CMKLR1: variants seen among roughly 807,000 people sequenced by gnomAD.
CMKLR1 encodes chemerin chemokine-like receptor 1, also known as chemerin-like receptor 1.
In CMKLR1, 6 loss-of-function variants were observed where a neutral mutation model predicts 8.2. The observed-to-expected ratio is 0.73, with a 90% CI of 0.40 to 1.44. CMKLR1 has a LOEUF of 1.44. Ranked by LOEUF, CMKLR1 falls within the 40% of genes most tolerant of loss-of-function variation. The pLI, the probability that CMKLR1 is intolerant of heterozygous loss-of-function variation, is 0.02. For missense variants in CMKLR1, 429 were observed against 478.0 expected (o/e 0.90, Z 0.96); for synonymous variants, 178 against 181.2 (o/e 0.98, Z 0.14).
chr12:108,292,783 C>T lies in CMKLR1; in HGVS notation c.180G>A (p.Leu60=). ...VCFLGILGNG[L]VIIIATFKMK... ...TCTTGAAGGTGGCAATGATGATCAC[C>T]AGACCATTGCCCAGAATCCCGAGGA... Residue 60 remains leucine (L), a synonymous_variant, in exon 4 of 4, where the codon CTG becomes CTA. Transcript: ENST00000550402. 6.2e-7 allele frequency: 1 copy of T among 1,614,146 alleles called. No homozygotes were observed. The highest frequency in any genetic ancestry group is 8.5e-7 in the Non-Finnish European group (1 of 1,180,026).
At chr12:108,294,823 A>G (rs1891088743) in intron 2 of CMKLR1, among the ~76,000 whole-genome samples, 1 of 152,352 alleles carries the variant, frequency 6.6e-6, no homozygotes, top group Non-Finnish European at 1.5e-5. Context: ...GCTGCTAATC[A>G]ATGCTTTATT....
intron 2 of CMKLR1, among the ~76,000 whole-genome samples, chr12:108,301,227 C>T (rs1352224285): frequency 3.9e-5 from 6 of 152,000 alleles, no homozygotes; most frequent in Non-Finnish European, 8.8e-5. Flanking sequence ...AGGCACATCC[C>T]ACCACGCCCA....
intron 2 of CMKLR1, among the ~76,000 whole-genome samples, chr12:108,322,945 C>T (rs1318472672): frequency 3.3e-5 from 5 of 152,210 alleles, no homozygotes; most frequent in African/African-American, 1.2e-4. Context: ...TCTCCCCCTG[C>T]AATCCAGCCT....
chr12:108,292,944 C>G lies in CMKLR1; in HGVS notation c.19G>C (p.Asp7His). The G allele has an allele frequency of 6.2e-7, 1 of 1,608,836 alleles. No individual in the cohort carries two copies. Among genetic ancestry groups the G allele is most frequent in the Non-Finnish European group, 8.5e-7 (1 of 1,176,436 alleles). ...CCGTAACTGATGGAAGTGTTGTAAT[C>G]TTCATCCTCCATTCTCTGCAAGAGA... The part of the protein sequence containing the change: MRMEDE[D>H]YNTSISYGDE... The change falls in exon 4 of 4, where the codon GAT becomes CAT. Residue 7 changes from aspartate (D) to histidine (H), a missense_variant. Coordinates refer to ENST00000550402, the MANE Select transcript of CMKLR1 (RefSeq NM_001142343.2).
intron 2 of CMKLR1, 61 bp downstream of exon 2, chr12:108,329,934 T>G (rs192873825): frequency 1.3e-5 from 2 of 152,310 alleles, no homozygotes; most frequent in East Asian, 3.9e-4. Context: ...TGTTTTAAGA[T>G]GAAGATGGTA....
chr12:108,321,618 G>A (rs1366716961), intron 2 of CMKLR1, among the ~76,000 whole-genome samples: 2 of 152,062 alleles, frequency 1.3e-5, no homozygotes, highest in African/African-American at 4.8e-5. Context: ...CCTGTCTCAG[G>A]CTCTGCTTCA....
chr12:108,334,516 C>G (rs1892177101), intron 1 of CMKLR1, among the ~76,000 whole-genome samples: 1 of 152,238 alleles, frequency 6.6e-6, no homozygotes, highest in African/African-American at 2.4e-5. Context: ...CCTAGGACAA[C>G]CACCCAGCTG....
intron 2 of CMKLR1, among the ~76,000 whole-genome samples, chr12:108,307,237 G>A (rs979469172): frequency 2.0e-5 from 3 of 152,234 alleles, no homozygotes; most frequent in Non-Finnish European, 4.4e-5. Context: ...TGGTCAAGAA[G>A]GCAGCTGGGG....
intron 2 of CMKLR1, among the ~76,000 whole-genome samples, chr12:108,318,795 GC>G (rs1231385180): frequency 6.6e-6 from 1 of 152,164 alleles, no homozygotes. Flanking sequence ...GCCTTTGGTG[GC>G]CCCAAGCAGC....
At chr12:108,308,310 A>C (rs1046458754) in intron 2 of CMKLR1, among the ~76,000 whole-genome samples, 1 of 152,194 alleles carries the variant, frequency 6.6e-6, no homozygotes, top group Non-Finnish European at 1.5e-5. Flanking sequence ...GATTTCTTTC[A>C]CAGGGTGAAA....
intron 2 of CMKLR1, among the ~76,000 whole-genome samples, chr12:108,310,969 G>C (rs1593168266): frequency 6.8e-6 from 1 of 146,788 alleles, no homozygotes; most frequent in Non-Finnish European, 1.5e-5. Flanking sequence ...CCCCCGCCCA[G>C]GAGATGAGCA....
At chr12:108,309,458 C>T (rs1891494565) in intron 2 of CMKLR1, among the ~76,000 whole-genome samples, 1 of 151,990 alleles carries the variant, frequency 6.6e-6, no homozygotes, top group Non-Finnish European at 1.5e-5. Flanking sequence ...TCGCTTGAGC[C>T]CAGCAGCTTA....
intron 2 of CMKLR1, among the ~76,000 whole-genome samples, chr12:108,300,902 C>T (rs1468565148): frequency 1.3e-5 from 2 of 152,132 alleles, no homozygotes; most frequent in Non-Finnish European, 2.9e-5. Context: ...CATGATCACC[C>T]TACAGGGTCG....
Position 108,292,260 on chromosome 12 carries a change from TGAG to T in CMKLR1, c.700_702del (p.Leu234del), listed in dbSNP as rs1891000347. 2 of 1,614,094 alleles carry T rather than the reference TGAG, an allele frequency of 1.2e-6. No individual in the cohort carries two copies. Among genetic ancestry groups the T allele is most frequent in the Non-Finnish European group, 1.7e-6 (2 of 1,180,016 alleles). On this transcript the variant is annotated inframe_deletion, in exon 4 of 4. Coordinates refer to ENST00000550402, the MANE Select transcript of CMKLR1 (RefSeq NM_001142343.2). ...ATGGTGAGGTAGCAAGCTGTGATGATGAGGACTGGGACCAGGAAGCCACAGAGG... is the reference window on the plus strand; with the variant it reads ...ATGGTGAGGTAGCAAGCTGTGATGATGACTGGGACCAGGAAGCCACAGAGG...
At chr12:108,335,487 T>C (rs1313501989) in intron 1 of CMKLR1, among the ~76,000 whole-genome samples, 3 of 152,226 alleles carry the variant, frequency 2.0e-5, no homozygotes, top group African/African-American at 7.2e-5. Context: ...CATTCAGAAA[T>C]ACTTGCCTTA....
At chr12:108,328,652 C>A (rs551734495) in intron 2 of CMKLR1, among the ~76,000 whole-genome samples, 151 of 152,294 alleles carry the variant, frequency 9.9e-4, no homozygotes, top group African/African-American at 3.3e-3. Context: ...GCTGAAGAGG[C>A]CCCCTGTGAG....
At position 108,292,653 on chromosome 12, in the gene CMKLR1, G is replaced by A. The variant is rs1446270903; in HGVS notation, c.310C>T (p.His104Tyr). ...IHITYAAMDYHWVFGTAMCKI... is the reference protein window; with the variant it reads ...IHITYAAMDYYWVFGTAMCKI... ...CACATGGCTGTCCCGAAAACCCAGT[G>A]GTAGTCCATGGCGGCATAGGTGATA... The change falls in exon 4 of 4, where the codon CAC becomes TAC. Residue 104 changes from histidine to tyrosine, a missense_variant. His to Tyr is a moderately conservative substitution (Grantham distance 83, BLOSUM62 2). Transcript: ENST00000550402. The A allele has an allele frequency of 4.3e-6, 7 of 1,614,032 alleles. No individual in the cohort carries two copies. The African/African-American group carries it at 9.3e-5, about 22-fold the overall frequency.
chr12:108,334,810 G>A (rs551666424), intron 1 of CMKLR1, among the ~76,000 whole-genome samples: 1 of 152,326 alleles, frequency 6.6e-6, no homozygotes, highest in East Asian at 1.9e-4. Flanking sequence ...ATAAAATGGG[G>A]ATGATAGTCC....
At chr12:108,320,234 G>C (rs1017110231) in intron 2 of CMKLR1, among the ~76,000 whole-genome samples, 1 of 152,142 alleles carries the variant, frequency 6.6e-6, no homozygotes, top group African/African-American at 2.4e-5. Flanking sequence ...AGCTGTGATG[G>C]TGGAAACTCA....
Sources: gnomAD v4.1 joint callset for allele counts (sites outside exome capture counted in the v4.1 genomes callset) on GRCh38, gnomAD v4.1.1 for gene constraint, MANE v1.5 for transcripts, NCBI Gene and HGNC (gene_info 2026-07-23, HGNC 2026-07-21) for gene names.